Variants in AAAS observed in about 807,000 individuals in gnomAD.
AAAS encodes the protein aladin.
In AAAS, 60 loss-of-function variants were observed where a neutral mutation model predicts 75.6. The observed-to-expected ratio is 0.79, with a 90% CI of 0.64 to 0.98. The LOEUF is 0.98. AAAS is among the 50% of genes least tolerant of loss of function. AAAS has a pLI of 0.00. For missense variants in AAAS, 658 were observed against 686.9 expected (o/e 0.96, Z 0.47); for synonymous variants, 271 against 265.0 (o/e 1.02, Z -0.22).
rs769964818 is a variant in AAAS at position 53,307,613 on chromosome 12, G to A, written c.1517C>T (p.Ala506Val). ...PVLGRAQEPP[A>V]GGGGSIHDLP... ...GTCATGAATAGAGCCTCCACCCCCAGCAGGGGGTTCCTGGGCCCGCCCAAG... is the reference window on the plus strand; with the variant it reads ...GTCATGAATAGAGCCTCCACCCCCAACAGGGGGTTCCTGGGCCCGCCCAAG... Residue 506 changes from alanine (A) to valine (V), a missense_variant, in exon 16 of 16, where the codon GCT (alanine) becomes GTT (valine). By Grantham distance (64) the Ala-to-Val change is moderately conservative. Transcript: ENST00000209873. 1.9e-6 allele frequency: 3 copies of A among 1,614,184 alleles called. No individual in the cohort carries two copies. In the East Asian group the frequency reaches 6.7e-5, roughly 36 times the overall value.
At chr12:53,317,206 C>T (rs1183420954) in intron 2 of AAAS, among the ~76,000 whole-genome samples, 22 of 152,080 alleles carry the variant, frequency 1.4e-4, no homozygotes, top group Admixed American at 1.0e-3. Flanking sequence ...AGGTGGATCA[C>T]GAGGTCAGGA....
rs556594712 is a variant in AAAS, at chr12:53,312,403, A to C, written c.689+1895T>G. 3.2e-4 allele frequency among the ~76,000 whole-genome samples: 48 copies of C among 151,952 alleles called. No homozygotes were observed. In the South Asian group the frequency reaches 8.7e-3, roughly 28 times the overall value. On this transcript the variant is annotated intron_variant, in intron 7 of 15. Transcript: ENST00000209873. The stretch of plus-strand genomic sequence containing the variant: ...AGCCTGGCCAATATGGTGAAACCCT[A>C]TCTCTACTAAAAATACAAAAATTAG...
intron 7 of AAAS, 132 bp from the exon 8 acceptor site, chr12:53,309,853 A>G (rs1944358665): frequency 7.4e-7 from 1 of 1,345,682 alleles, no homozygotes; most frequent in Non-Finnish European, 1.0e-6. Flanking sequence ...GTTGTGAAAA[A>G]GGAATAAGGA....
chr12:53,310,889 T>A (rs946744822), intron 7 of AAAS, among the ~76,000 whole-genome samples: 1 of 152,238 alleles, frequency 6.6e-6, no homozygotes, highest in Non-Finnish European at 1.5e-5. Flanking sequence ...AACTATAATT[T>A]ATTGAGTCAT....
At chr12:53,315,829 T>G (rs182220905) in intron 2 of AAAS, 47 bp from the exon 3 acceptor site, 1 of 1,595,782 alleles carries the variant, frequency 6.3e-7, no homozygotes, top group Admixed American at 1.7e-5. Context: ...ATCCCCTCTG[T>G]CCCTCTCTAC....
intron 11 of AAAS, 60 bp downstream of exon 11, chr12:53,308,665 T>TACCAAAGGTTGCTGCCTCCC: frequency 6.2e-7 from 1 of 1,603,688 alleles, no homozygotes; most frequent in Non-Finnish European, 8.5e-7. Flanking sequence ...AGCTGCATCT[T>TACCAAAGGTTGCTGCCTCCC]ACCAAAGGTT....
chr12:53,321,431 G>A lies in AAAS; in HGVS notation c.35C>T (p.Pro12Leu), dbSNP rs1336114249. 9 of 1,614,240 alleles carry A rather than the reference G, an allele frequency of 5.6e-6. No homozygotes were observed. Among genetic ancestry groups the A allele is most frequent in the Non-Finnish European group, 7.6e-6 (9 of 1,180,044 alleles). The change falls in exon 1 of 16, where the codon CCT (proline) becomes CTT (leucine). Residue 12 changes from proline (P) to leucine (L), a missense_variant. Pro to Leu is a moderately conservative substitution (Grantham distance 98, BLOSUM62 -3). Coordinates refer to ENST00000209873, the MANE Select transcript of AAAS (RefSeq NM_015665.6). ...CSLGLFPPPP[P>L]RGQVTLYEHN... ...CTCATATAGGGTGACTTGACCCCGA[G>A]GCGGTGGAGGAGGGAACAACCCCAG...
chr12:53,318,506 C>A (rs937638445), intron 2 of AAAS, among the ~76,000 whole-genome samples: 1 of 152,080 alleles, frequency 6.6e-6, no homozygotes, highest in African/African-American at 2.4e-5. Context: ...AGCTTCCGCG[C>A]CCAGACTATC....
intron 4 of AAAS, 31 bp downstream of exon 4, chr12:53,315,304 T>G: frequency 6.2e-7 from 1 of 1,611,320 alleles, no homozygotes; most frequent in Non-Finnish European, 8.5e-7. Context: ...ACACAGCAAA[T>G]GCAGAGGGCT....
At position 53,314,346 on chromosome 12, in the gene AAAS, T is replaced by A. The variant is rs1295735314; in HGVS notation, c.641A>T (p.Gln214Leu). Residue 214 changes from glutamine (Q) to leucine (L), a missense_variant, in exon 7 of 16, where the codon CAG becomes CTG. Gln to Leu is a moderately radical substitution (Grantham distance 113). Transcript: ENST00000209873. ...CAGGGTCCAGATAAGAATGCAGCTC[T>A]GGCAGGCCACAGCCAAGACAGAGGC... is the stretch of plus-strand genomic sequence containing the variant. ...LSASVLAVAC[Q>L]SCILIWTLDP... The A allele has an allele frequency of 6.2e-7, 1 of 1,613,982 alleles. No homozygotes were observed. Among genetic ancestry groups the A allele is most frequent in the Non-Finnish European group, 8.5e-7 (1 of 1,179,956 alleles).
rs200044280 is a variant in AAAS at position 53,320,687 on chromosome 12, G to C, written c.129C>G (p.Ile43Met). 3.9e-5 allele frequency: 63 copies of C among 1,613,968 alleles called. No homozygotes were observed. Among genetic ancestry groups the C allele is most frequent in the Non-Finnish European group, 5.3e-5 (63 of 1,179,996 alleles). ...SPPPDFRGQW[I>M]NLPVLQLTKD... ...TTGTCAGTTGTAGGACAGGAAGATTGATCCACTATAGCACAAAAGTGAGGA... is the reference window on the plus strand; with the variant it reads ...TTGTCAGTTGTAGGACAGGAAGATTCATCCACTATAGCACAAAAGTGAGGA... The change falls in exon 2 of 16, where the codon ATC becomes ATG. Residue 43 changes from isoleucine to methionine, a missense_variant. Ile to Met is a conservative substitution (Grantham distance 10). Coordinates refer to ENST00000209873, the MANE Select transcript of AAAS (RefSeq NM_015665.6).
At chr12:53,321,159 C>G in intron 1 of AAAS, 184 bp downstream of exon 1, 2 of 885,326 alleles carry the variant, frequency 2.3e-6, no homozygotes, top group Non-Finnish European at 3.4e-6. Context: ...CTTAACCGTT[C>G]CCCCGTTATA....
Position 53,307,549 on chromosome 12 carries a change from A to G in AAAS, c.1581T>C (p.Pro527=), listed in dbSNP as rs755671710. Residue 527 remains proline, a synonymous_variant, in exon 16 of 16, where the codon CCT becomes CCC. Transcript: ENST00000209873. ...GTGGTGGCCCTGGGAGAGGGTCCCA[A>G]GGGGCAGAGGTTGGGGATGTCTCAG... ...LFTETSPTSA[P]WDPLPGPPPV... is the part of the protein sequence containing the mutation. The G allele has an allele frequency of 5.0e-6, 8 of 1,614,152 alleles. No individual in the cohort carries two copies. In the Admixed American group the frequency reaches 1.3e-4, roughly 27 times the overall value.
At chr12:53,318,257 T>TGC (rs1375701755) in intron 2 of AAAS, among the ~76,000 whole-genome samples, 18 of 141,498 alleles carry the variant, frequency 1.3e-4, no homozygotes, top group African/African-American at 5.0e-4. Flanking sequence ...TGTGTGTGTG[T>TGC]GTGTGTGTGT....
In AAAS at chr12:53,307,579, G is replaced by A; in HGVS notation, c.1551C>T (p.Leu517=). The A allele has an allele frequency of 6.2e-7, 1 of 1,614,212 alleles. No homozygotes were observed. The highest frequency in any genetic ancestry group is 1.1e-5 in the South Asian group (1 of 91,092). ...CAGAGGTTGGGGATGTCTCAGTAAA[G>A]AGGGGCAGGTCATGAATAGAGCCTC... ...GGGGSIHDLP[L]FTETSPTSAP... The change falls in exon 16 of 16, where the codon CTC becomes CTT. Residue 517 remains leucine (L), a synonymous_variant. Transcript: ENST00000209873.
chr12:53,316,056 T>C (rs1330530256), intron 2 of AAAS, among the ~76,000 whole-genome samples: 1 of 152,132 alleles, frequency 6.6e-6, no homozygotes, highest in East Asian at 1.9e-4. Flanking sequence ...TCTAAGACAA[T>C]GAATGGAAAG....
chr12:53,316,583 A>G (rs948055508), intron 2 of AAAS, among the ~76,000 whole-genome samples: 1 of 151,682 alleles, frequency 6.6e-6, no homozygotes, highest in Non-Finnish European at 1.5e-5. Context: ...CCTGGCCAAC[A>G]TGGTGAAACA....
Position 53,314,340 on chromosome 12 carries a change from CAGCTCTGGCAGGCCACAG to C in AAAS, c.629_646del (p.Ala210_Cys216delinsGly). The C allele has an allele frequency of 6.2e-7, 1 of 1,614,176 alleles. No individual in the cohort carries two copies. The highest frequency in any genetic ancestry group is 8.5e-7 in the Non-Finnish European group (1 of 1,180,030). On this transcript the variant is annotated inframe_deletion, in exon 7 of 16. Coordinates refer to ENST00000209873, the MANE Select transcript of AAAS (RefSeq NM_015665.6). The stretch of plus-strand genomic sequence containing the variant: ...AGGGTCCAGGGTCCAGATAAGAATG[CAGCTCTGGCAGGCCACAG>C]CCAAGACAGAGGCACTAAGGGGCTT...
At chr12:53,310,362 A>G (rs1282996326) in intron 7 of AAAS, among the ~76,000 whole-genome samples, 3 of 152,202 alleles carry the variant, frequency 2.0e-5, no homozygotes, top group Admixed American at 6.5e-5. Flanking sequence ...GATCGAGACC[A>G]TTCTGGCCAA....
Sources: allele counts gnomAD v4.1 joint callset (sites outside exome capture counted in the v4.1 genomes callset), GRCh38; gene constraint gnomAD v4.1.1; transcripts MANE v1.5; gene names NCBI Gene and HGNC (gene_info 2026-07-23, HGNC 2026-07-21).